The following CSMD1 variants were observed in gnomAD, a reference collection of about 807,000 sequenced individuals.
The protein encoded by CSMD1 is CUB and Sushi multiple domains 1.
Under a neutral mutation model 417.5 loss-of-function variants are expected in CSMD1, and 213 were observed. That is an observed-to-expected ratio of 0.51 (90% CI 0.46 to 0.57). The LOEUF is 0.57. Among genes scored for constraint, CSMD1 ranks in the 20% least tolerant of loss-of-function variants. The pLI is 0.00. For missense variants in CSMD1, 6,923 were observed against 4,529.7 expected (o/e 1.53, Z -15.17); for synonymous variants, 2,862 against 1,736.8 (o/e 1.65, Z -16.11).
intron 2 of CSMD1, among the ~76,000 whole-genome samples, chr8:4,477,371 G>C (rs1045106076): frequency 2.0e-5 from 3 of 152,170 alleles, no homozygotes; most frequent in African/African-American, 7.2e-5. Context: ...CTCTCCACAA[G>C]CCATCGGCAA....
At chr8:3,682,155 C>A (rs901779218) in intron 7 of CSMD1, among the ~76,000 whole-genome samples, 3 of 152,066 alleles carry the variant, frequency 2.0e-5, no homozygotes, top group African/African-American at 4.8e-5. Flanking sequence ...TCTAAAACAC[C>A]AAAAGCAATG....
At chr8:4,039,964 A>G (rs889255052) in intron 3 of CSMD1, among the ~76,000 whole-genome samples, 8 of 152,246 alleles carry the variant, frequency 5.3e-5, no homozygotes, top group Admixed American at 1.3e-4. Context: ...TTGTAAAAAG[A>G]TATCACAAAT....
intron 3 of CSMD1, among the ~76,000 whole-genome samples, chr8:4,419,237 T>G (rs1443483345): frequency 6.6e-6 from 1 of 152,194 alleles, no homozygotes; most frequent in Non-Finnish European, 1.5e-5. Context: ...AGCTCTTGTA[T>G]TACGTGTAAA....
chr8:3,033,965 G>A (rs4284062), intron 50 of CSMD1, among the ~76,000 whole-genome samples: 76,943 of 151,806 alleles, frequency 0.51, 19,879 homozygotes, highest in Non-Finnish European at 0.57. Flanking sequence ...AGCCCATCGC[G>A]GGCCCCAGAC....
At chr8:3,667,653 C>T (rs886220345) in intron 7 of CSMD1, among the ~76,000 whole-genome samples, 3 of 152,032 alleles carry the variant, frequency 2.0e-5, no homozygotes, top group East Asian at 1.9e-4. Context: ...GAAACCCAGG[C>T]CTTGGGGTGA....
At chr8:3,711,179 T>C (rs551621527) in intron 6 of CSMD1, among the ~76,000 whole-genome samples, 2 of 152,228 alleles carry the variant, frequency 1.3e-5, no homozygotes, top group East Asian at 3.9e-4. Context: ...GGAAGGAACA[T>C]ACAAACTTTG....
At position 4,093,969 on chromosome 8, in the gene CSMD1, G is replaced by GATAGATAC. The variant is rs532633861; in HGVS notation, c.416-61871_416-61870insGTATCTAT. On this transcript the variant is annotated intron_variant, in intron 3 of 69. Coordinates refer to ENST00000635120, the MANE Select transcript of CSMD1 (RefSeq NM_033225.6). ...AGTGACTGAGACTACATCTCAAATA[G>GATAGATAC]ATAGATAGATAGATAGATAGATAGA... Among the ~76,000 whole-genome samples, 835 of 105,192 alleles carry GATAGATAC rather than the reference G, an allele frequency of 7.9e-3. 9 individuals are homozygous for GATAGATAC. Among genetic ancestry groups the GATAGATAC allele is most frequent in the Non-Finnish European group, 9.5e-3 (465 of 48,860 alleles). 69.0% of individuals were successfully genotyped at this position (105,192 alleles called of 152,430 possible).
chr8:4,613,859 C>T (rs62486695), intron 2 of CSMD1, among the ~76,000 whole-genome samples: 642 of 58,284 alleles, frequency 0.011, 6 homozygotes, highest in African/African-American at 0.06. Context: ...CTGTCTAATG[C>T]CAAAAAAAAA....
chr8:3,823,814 T>G (rs1034889319), intron 5 of CSMD1, among the ~76,000 whole-genome samples: 3 of 152,180 alleles, frequency 2.0e-5, no homozygotes, highest in African/African-American at 7.2e-5. Flanking sequence ...TAAAAATGAC[T>G]TGATCATAAA....
rs562297489 is a variant in CSMD1, at chr8:3,089,291, G to A, written c.7286-2006C>T. On this transcript the variant is annotated intron_variant, in intron 48 of 69. Coordinates refer to ENST00000635120, the MANE Select transcript of CSMD1 (RefSeq NM_033225.6). Reference sequence around the variant, plus strand: ...GGTGGATATTCTGGAATTTCGGTGTGAATGCCAAACCAGTCTGTACTTTCA... The same window carrying A: ...GGTGGATATTCTGGAATTTCGGTGTAAATGCCAAACCAGTCTGTACTTTCA... Among the ~76,000 whole-genome samples the A allele has an allele frequency of 2.6e-5, 4 of 152,346 alleles. No homozygotes were observed. The East Asian group carries it at 7.7e-4, about 29-fold the overall frequency.
intron 5 of CSMD1, among the ~76,000 whole-genome samples, chr8:3,821,514 G>T (rs1801734780): frequency 6.6e-6 from 1 of 151,826 alleles, no homozygotes; most frequent in African/African-American, 2.4e-5. Context: ...TGGGTGCGGT[G>T]GCTCACGCCT....
chr8:3,439,138 A>C (rs1814772921), intron 12 of CSMD1, among the ~76,000 whole-genome samples: 1 of 129,580 alleles, frequency 7.7e-6, no homozygotes, highest in Non-Finnish European at 1.6e-5. Flanking sequence ...AAAAAAAAAA[A>C]AAAAAAAAAA....
At chr8:4,757,834 C>T (rs949967604) in intron 1 of CSMD1, among the ~76,000 whole-genome samples, 2 of 151,578 alleles carry the variant, frequency 1.3e-5, no homozygotes, top group Non-Finnish European at 1.5e-5. Context: ...TGGCGCACAC[C>T]TGTAATCCCA....
At chr8:4,573,717 C>A (rs777470592) in intron 2 of CSMD1, among the ~76,000 whole-genome samples, 17 of 152,116 alleles carry the variant, frequency 1.1e-4, no homozygotes, top group Non-Finnish European at 1.9e-4. Context: ...TGAAGCTGCA[C>A]CCACAGCCAC....
intron 1 of CSMD1, among the ~76,000 whole-genome samples, chr8:4,781,272 G>C (rs1187419988): frequency 2.0e-5 from 3 of 152,176 alleles, no homozygotes; most frequent in Admixed American, 6.5e-5. Context: ...TCCTGCAGTG[G>C]ATCAGCATCA....
chr8:4,904,002 G>C (rs1171230231), intron 1 of CSMD1, among the ~76,000 whole-genome samples: 1 of 152,072 alleles, frequency 6.6e-6, no homozygotes, highest in Non-Finnish European at 1.5e-5. Context: ...GCTTCATTTT[G>C]TATTTATTTC....
intron 1 of CSMD1, among the ~76,000 whole-genome samples, chr8:4,744,255 C>G (rs748974004): frequency 6.6e-6 from 1 of 152,198 alleles, no homozygotes; most frequent in African/African-American, 2.4e-5. Context: ...GAAAGTACAG[C>G]TCAGGGGCTT....
intron 1 of CSMD1, among the ~76,000 whole-genome samples, chr8:4,802,517 G>C (rs987232194): frequency 6.6e-6 from 1 of 152,084 alleles, no homozygotes; most frequent in Admixed American, 6.5e-5. Context: ...AAAAGACAGA[G>C]TGTGAATTTC....
At chr8:3,834,416 C>A (rs1397186227) in intron 5 of CSMD1, among the ~76,000 whole-genome samples, 3 of 151,926 alleles carry the variant, frequency 2.0e-5, no homozygotes, top group African/African-American at 7.3e-5. Flanking sequence ...CCCCAAATAC[C>A]CCCTGGAAGT....
Sources: allele counts gnomAD v4.1 joint callset (sites outside exome capture counted in the v4.1 genomes callset), GRCh38; gene constraint gnomAD v4.1.1; transcripts MANE v1.5; gene names NCBI Gene and HGNC (gene_info 2026-07-23, HGNC 2026-07-21).